CAST: variants seen among roughly 807,000 people sequenced by gnomAD.
CAST encodes the protein MIR583 host.
CAST carries 76 observed loss-of-function variants against 119.6 expected under a neutral mutation model. The ratio of observed to expected loss-of-function variants is 0.64; its 90% CI spans 0.53 to 0.77. The LOEUF is 0.77. Ranked by LOEUF, CAST falls within the 30% of genes least tolerant of loss-of-function variation. The probability of loss-of-function intolerance (pLI) is 0.00; values close to 1 mark genes in which losing one functional copy is unlikely to be tolerated. For missense variants in CAST, 953 were observed against 946.5 expected (o/e 1.01, Z -0.09); for synonymous variants, 319 against 331.6 (o/e 0.96, Z 0.41).
chr5:96,755,735 C>T (rs962680620), intron 22 of CAST, among the ~76,000 whole-genome samples: 3 of 152,194 alleles, frequency 2.0e-5, no homozygotes, highest in Non-Finnish European at 2.9e-5. Context: ...CTGAACTATC[C>T]GTGATTGAAA....
upstream of CAST, chr5:96,662,288 A>T: frequency 9.1e-7 from 1 of 1,101,806 alleles, no homozygotes. Flanking sequence ...GGGGTCGGAA[A>T]AGCTGTTTCA....
the CAST span, among the ~76,000 whole-genome samples, chr5:96,334,437 G>T: frequency 6.6e-6 from 1 of 152,098 alleles, no homozygotes; most frequent in Non-Finnish European, 1.5e-5. Context: ...TCTCACTACT[G>T]GGAAACTCAG....
chr5:96,608,359 G>A (rs1561428897), intron 1 of CAST, among the ~76,000 whole-genome samples: 1 of 152,144 alleles, frequency 6.6e-6, no homozygotes, highest in Non-Finnish European at 1.5e-5. Context: ...ATCTCTGAGA[G>A]CTTGTTTCCT....
chr5:96,103,886 T>C, the CAST span, among the ~76,000 whole-genome samples: 4 of 151,688 alleles, frequency 2.6e-5, no homozygotes, highest in South Asian at 2.1e-4. Context: ...TTTTAATGAT[T>C]GCCATTCTAA....
At position 96,750,521 on chromosome 5, in the gene CAST, A is replaced by G. The variant is rs1764775701; in HGVS notation, c.1429-66A>G. 3 of 955,180 alleles carry G rather than the reference A, an allele frequency of 3.1e-6. No homozygotes were observed. The African/African-American group carries it at 4.8e-5, about 15-fold the overall frequency. The allele number at this position is 955,180 out of a possible 1,614,324, so 59.2% of individuals were successfully genotyped here. A position where few individuals can be genotyped will look rare whatever the true frequency, so the allele number is the denominator to read the frequency against. On this transcript the variant is annotated intron_variant, in intron 19 of 31. Transcript: ENST00000675179. ...ATGTAGCGGAGTGTCTTGTTGGTCT[A>G]CCATTACTCAGTCTTATTAACCAAA...
intron 1 of CAST, among the ~76,000 whole-genome samples, chr5:96,535,099 T>C (rs1403944443): frequency 1.3e-5 from 2 of 152,182 alleles, no homozygotes. Context: ...ACAAATGGCA[T>C]ATAGTATCAA....
chr5:96,224,451 C>G, the CAST span, among the ~76,000 whole-genome samples: 1 of 151,814 alleles, frequency 6.6e-6, no homozygotes. Context: ...TCTGGGTGGG[C>G]CCTAAATCTA....
the CAST span, among the ~76,000 whole-genome samples, chr5:96,385,522 T>C: frequency 6.6e-6 from 1 of 152,224 alleles, no homozygotes; most frequent in Non-Finnish European, 1.5e-5. Flanking sequence ...TATGTAAAAA[T>C]ACTTCACTTG....
chr5:96,623,345 G>A (rs1472870327), intron 1 of CAST, among the ~76,000 whole-genome samples: 1 of 151,940 alleles, frequency 6.6e-6, no homozygotes, highest in Non-Finnish European at 1.5e-5. Flanking sequence ...TGAATACATG[G>A]GCATGAGCAT....
chr5:96,631,999 C>T (rs140163311), intron 1 of CAST, among the ~76,000 whole-genome samples: 2 of 150,338 alleles, frequency 1.3e-5, no homozygotes, highest in African/African-American at 2.4e-5. Flanking sequence ...CACATCCTCG[C>T]CAACACTTGT....
chr5:96,130,449 G>GA, the CAST span, among the ~76,000 whole-genome samples: 45,830 of 144,212 alleles, frequency 0.32, 7,282 homozygotes, highest in Middle Eastern at 0.35. Context: ...AGGACATTAG[G>GA]AAAAAAAAAA....
chr5:96,283,691 A>C, the CAST span, among the ~76,000 whole-genome samples: 1 of 152,208 alleles, frequency 6.6e-6, no homozygotes, highest in Non-Finnish European at 1.5e-5. Flanking sequence ...CACTTAGGTG[A>C]GGCTCCCATT....
intron 1 of CAST, among the ~76,000 whole-genome samples, chr5:96,664,879 CTAAGGTTCTTATCAAAATGTACCATG>C (rs1749117638): frequency 6.6e-6 from 1 of 152,128 alleles, no homozygotes; most frequent in African/African-American, 2.4e-5. Flanking sequence ...CATTATTGGC[CTAAGGTTCTTATCAAAATGTACCATG>C]TACCTTATCT....
At chr5:96,735,080 A>G (rs1761345751) in intron 9 of CAST, among the ~76,000 whole-genome samples, 1 of 152,204 alleles carries the variant, frequency 6.6e-6, no homozygotes, top group Non-Finnish European at 1.5e-5. Context: ...ATCCAGACTC[A>G]GGCTCACACC....
At chr5:96,218,952 T>A in the CAST span, among the ~76,000 whole-genome samples, 1 of 152,214 alleles carries the variant, frequency 6.6e-6, no homozygotes, top group Non-Finnish European at 1.5e-5. Context: ...TTAAGGTCAC[T>A]AAATCTCAGT....
chr5:96,596,567 C>T (rs550128809), intron 1 of CAST, among the ~76,000 whole-genome samples: 34 of 152,292 alleles, frequency 2.2e-4, no homozygotes, highest in Non-Finnish European at 4.6e-4. Context: ...CAATAGGAAA[C>T]ATGGACTAAG....
chr5:96,754,299 T>C lies in CAST; in HGVS notation c.1626+138T>C, dbSNP rs919133784. 4 of 674,902 alleles carry C rather than the reference T, an allele frequency of 5.9e-6. No individual in the cohort carries two copies. The African/African-American group carries it at 7.2e-5, about 12-fold the overall frequency. The allele number at this position is 674,902 out of a possible 1,614,324, so 41.8% of individuals were successfully genotyped here. A position where few individuals can be genotyped will look rare whatever the true frequency, so the allele number is the denominator to read the frequency against. ...CTGGCTTTTTCTATTATTGTGCATA[T>C]CCTGTTTAATAAGCTAAACCTGAAT... On this transcript the variant is annotated intron_variant, in intron 21 of 31. Coordinates refer to ENST00000675179, the MANE Select transcript of CAST (RefSeq NM_001750.7).
the CAST span, among the ~76,000 whole-genome samples, chr5:96,098,057 T>C: frequency 4.5e-4 from 69 of 152,384 alleles, no homozygotes; most frequent in Admixed American, 8.5e-4. Flanking sequence ...CTTGTGGTTT[T>C]GATTTGCATT....
At chr5:96,049,907 AAAAAAAAAAAG>A in the CAST span, among the ~76,000 whole-genome samples, 2 of 147,596 alleles carry the variant, frequency 1.4e-5, no homozygotes, top group African/African-American at 5.0e-5. Flanking sequence ...AAAAAAAAAA[AAAAAAAAAAAG>A]AAAAAGAAAA....
Sources: gnomAD v4.1 joint callset for allele counts (sites outside exome capture counted in the v4.1 genomes callset) on GRCh38, gnomAD v4.1.1 for gene constraint, MANE v1.5 for transcripts, NCBI Gene and HGNC (gene_info 2026-07-23, HGNC 2026-07-21) for gene names.